The following ADGRL3 variants were observed in gnomAD, a reference collection of about 807,000 sequenced individuals.
ADGRL3 encodes the protein calcium-independent alpha-latrotoxin receptor 3.
In ADGRL3, 62 loss-of-function variants were observed where a neutral mutation model predicts 153.5. The observed-to-expected ratio is 0.40, with a 90% CI of 0.33 to 0.50. The LOEUF is 0.50. Ranked by LOEUF, ADGRL3 falls within the 20% of genes least tolerant of loss-of-function variation. The probability of loss-of-function intolerance (pLI) is 0.47; values close to 1 mark genes in which losing one functional copy is unlikely to be tolerated. For synonymous variants in ADGRL3, 710 were observed against 672.5 expected (o/e 1.06, Z -0.86); for missense variants, 1,641 against 1,859.4 (o/e 0.88, Z 2.16).
chr4:61,612,969 G>T (rs1365147144), intron 5 of ADGRL3, among the ~76,000 whole-genome samples: 1 of 152,056 alleles, frequency 6.6e-6, no homozygotes, highest in Non-Finnish European at 1.5e-5. Context: ...TCTCAACCAG[G>T]TGCATTTATT....
chr4:61,651,240 A>G (rs2150384032), intron 5 of ADGRL3, among the ~76,000 whole-genome samples: 1 of 152,334 alleles, frequency 6.6e-6, no homozygotes, highest in African/African-American at 2.4e-5. Flanking sequence ...TATTGCAAGA[A>G]TAATTGCTAT....
intron 8 of ADGRL3, among the ~76,000 whole-genome samples, chr4:61,744,358 C>T (rs1316266307): frequency 6.6e-6 from 1 of 152,184 alleles, no homozygotes; most frequent in Non-Finnish European, 1.5e-5. Flanking sequence ...TTGAAGAGAG[C>T]AGTGGTTCAC....
At chr4:61,428,891 T>TC (rs1553927142) in intron 2 of ADGRL3, among the ~76,000 whole-genome samples, 112 of 77,534 alleles carry the variant, frequency 1.4e-3, no homozygotes, top group South Asian at 7.5e-3. Context: ...TATCTATCTA[T>TC]ATCATCTATC....
intron 8 of ADGRL3, among the ~76,000 whole-genome samples, chr4:61,785,293 CTTT>C (rs892067338): frequency 1.3e-5 from 2 of 152,098 alleles, no homozygotes; most frequent in African/African-American, 4.8e-5. Context: ...ATAAAATATA[CTTT>C]TTTTATTTGG....
chr4:61,946,857 A>T (rs2098927173), intron 15 of ADGRL3, 57 bp from the exon 16 acceptor site: 4 of 1,274,936 alleles, frequency 3.1e-6, no homozygotes, highest in Non-Finnish European at 4.6e-6. Flanking sequence ...CTATCTCATT[A>T]GTACTAACTA....
At chr4:61,882,749 A>G (rs751925752) in intron 9 of ADGRL3, among the ~76,000 whole-genome samples, 42 of 151,880 alleles carry the variant, frequency 2.8e-4, no homozygotes, top group Non-Finnish European at 5.1e-4. Context: ...TAACTCCCTC[A>G]CTTTGCCTCT....
At chr4:61,627,316 T>C (rs963091037) in intron 5 of ADGRL3, among the ~76,000 whole-genome samples, 5 of 152,162 alleles carry the variant, frequency 3.3e-5, no homozygotes, top group Non-Finnish European at 5.9e-5. Context: ...GTGGTAATTA[T>C]TAATAATGAA....
intron 1 of ADGRL3, among the ~76,000 whole-genome samples, chr4:61,303,611 T>A (rs1369024946): frequency 6.6e-6 from 1 of 152,158 alleles, no homozygotes; most frequent in East Asian, 1.9e-4. Flanking sequence ...TACACTTTTG[T>A]AATAAAGAAT....
At chr4:61,240,378 T>C (rs1754444644) in intron 1 of ADGRL3, among the ~76,000 whole-genome samples, 1 of 152,072 alleles carries the variant, frequency 6.6e-6, no homozygotes, top group African/African-American at 2.4e-5. Flanking sequence ...GGGGTACAAA[T>C]ACATACAACC....
chr4:61,503,973 T>C (rs2098409941), intron 3 of ADGRL3, among the ~76,000 whole-genome samples: 1 of 152,088 alleles, frequency 6.6e-6, no homozygotes, highest in Non-Finnish European at 1.5e-5. Flanking sequence ...ACCATTTGTC[T>C]ACCCTCATCA....
In ADGRL3 at chr4:61,587,210, C is replaced by T; in HGVS notation, c.260-17C>T. 1 of 1,571,736 alleles carries T rather than the reference C, an allele frequency of 6.4e-7. No homozygotes were observed. The highest frequency in any genetic ancestry group is 8.7e-7 in the Non-Finnish European group (1 of 1,153,574). ...TAGTAACGATGGCATCTCTTTTCTT[C>T]CTCTTCCTTTTGGCAGCTTTCAGCC... On this transcript the variant is annotated splice_polypyrimidine_tract_variant and intron_variant, in intron 4 of 26. Coordinates refer to ENST00000683033, the MANE Select transcript of ADGRL3 (RefSeq NM_001387552.1).
intron 1 of ADGRL3, among the ~76,000 whole-genome samples, chr4:61,204,929 G>C (rs1175755224): frequency 6.6e-6 from 1 of 152,060 alleles, no homozygotes; most frequent in Non-Finnish European, 1.5e-5. Flanking sequence ...TTTCAGAAAT[G>C]ATTTTCTTAA....
chr4:61,414,353 G>T (rs1174053204), intron 2 of ADGRL3, among the ~76,000 whole-genome samples: 1 of 152,114 alleles, frequency 6.6e-6, no homozygotes, highest in Non-Finnish European at 1.5e-5. Context: ...GTGATTTAGA[G>T]AAAAATTTCC....
At chr4:61,294,907 A>ACACACACACACACACACT (rs2094354179) in intron 1 of ADGRL3, among the ~76,000 whole-genome samples, 2 of 33,834 alleles carry the variant, frequency 5.9e-5, no homozygotes, top group Admixed American at 2.8e-4. Context: ...ACACACTCAC[A>ACACACACACACACACACT]CACACACACA....
chr4:61,497,097 C>G (rs915898413), intron 2 of ADGRL3, 24 bp from the exon 3 acceptor site: 19 of 541,378 alleles, frequency 3.5e-5, no homozygotes, highest in Middle Eastern at 4.7e-4. Flanking sequence ...TATACAATAA[C>G]CCTTTTTTTT....
At chr4:61,392,829 C>T (rs1004762645) in intron 2 of ADGRL3, among the ~76,000 whole-genome samples, 1 of 148,040 alleles carries the variant, frequency 6.8e-6, no homozygotes, top group Non-Finnish European at 1.5e-5. Context: ...AATTATGAAA[C>T]GATGGAAATA....
chr4:61,298,686 C>T (rs1246830376), intron 1 of ADGRL3, among the ~76,000 whole-genome samples: 1 of 152,092 alleles, frequency 6.6e-6, no homozygotes, highest in Non-Finnish European at 1.5e-5. Context: ...AAATAAAATC[C>T]TTAAACAGTA....
intron 5 of ADGRL3, among the ~76,000 whole-genome samples, chr4:61,644,978 G>A (rs1339449040): frequency 2.6e-5 from 4 of 151,978 alleles, no homozygotes; most frequent in South Asian, 2.1e-4. Flanking sequence ...CCTGTATTGG[G>A]TGCATATATA....
In ADGRL3 at chr4:61,936,060, AT is replaced by A. The variant is rs753678589; in HGVS notation, c.2419+21del. On this transcript the variant is annotated intron_variant, in intron 15 of 26. Transcript: ENST00000683033. ...TGGCCGAAATGGTAGGTTAGAGTTT[AT>A]TTTTTAAGCTTGAGGGAATTGAACT... 2.5e-5 allele frequency: 40 copies of A among 1,608,816 alleles called. No homozygotes were observed. The South Asian group carries it at 4.3e-4, about 17-fold the overall frequency.
Sources: gnomAD v4.1 joint callset for allele counts (sites outside exome capture counted in the v4.1 genomes callset) on GRCh38, gnomAD v4.1.1 for gene constraint, MANE v1.5 for transcripts, NCBI Gene and HGNC (gene_info 2026-07-23, HGNC 2026-07-21) for gene names.